Variants in ME2 observed in about 807,000 individuals in gnomAD.
ME2 encodes malic enzyme 2, also known as NAD-dependent malic enzyme, mitochondrial.
Under a neutral mutation model 73.7 loss-of-function variants are expected in ME2, and 60 were observed. That is an observed-to-expected ratio of 0.81 (90% CI 0.66 to 1.01). The LOEUF (loss-of-function observed/expected upper bound fraction) is 1.01, where lower values mean the gene tolerates loss of function less well. ME2 is among the 50% of genes least tolerant of loss of function. The pLI is 0.00. For missense variants in ME2, 594 were observed against 705.5 expected, an observed-to-expected ratio of 0.84 and a Z score of 1.79; for synonymous variants, 199 against 236.9, an observed-to-expected ratio of 0.84 and a Z score of 1.47.
Position 50,895,704 on chromosome 18 carries a change from T to G in ME2, c.-12-105T>G. 4.3e-6 allele frequency: 3 copies of G among 696,506 alleles called. No individual in the cohort carries two copies. The South Asian group carries it at 5.6e-5, about 13-fold the overall frequency. The allele number at this position is 696,506 out of a possible 1,614,324, so 43.1% of individuals were successfully genotyped here. A position where few individuals can be genotyped will look rare whatever the true frequency, so the allele number is the denominator to read the frequency against. Reference sequence around the variant, plus strand: ...CCTCTTGTTACCTTTTTAAAACTGTTGCAGCCTGTGGAAACATAAATGTGT... The same window carrying G: ...CCTCTTGTTACCTTTTTAAAACTGTGGCAGCCTGTGGAAACATAAATGTGT... On this transcript the variant is annotated intron_variant, in intron 1 of 15. Transcript: ENST00000321341.
intron 1 of ME2, among the ~76,000 whole-genome samples, chr18:50,894,876 CAA>C (rs201413611): frequency 1.0e-4 from 8 of 76,708 alleles, no homozygotes; most frequent in African/African-American, 9.7e-5. Context: ...GACTCCATCT[CAA>C]AAAAAAAAAA....
chr18:50,943,810 C>T (rs897920324), intron 15 of ME2, among the ~76,000 whole-genome samples: 1 of 152,134 alleles, frequency 6.6e-6, no homozygotes, highest in East Asian at 1.9e-4. Flanking sequence ...TTACCTTCTA[C>T]TGCAAAACAG....
rs1014685621 is a variant in ME2, at chr18:50,879,288, T to A, written c.-33T>A. 19 of 152,092 alleles carry A rather than the reference T, an allele frequency of 1.2e-4. No homozygotes were observed. Among genetic ancestry groups the A allele is most frequent in the African/African-American group, 3.4e-4 (14 of 41,528 alleles). 9.4% of individuals were successfully genotyped at this position (152,092 alleles called of 1,614,324 possible). ...CGGCCTCTCCGCCGGGTGTACCACC[T>A]GTCGCGGCGCGAGACCTCTGGTAAG... On this transcript the variant is annotated 5_prime_UTR_variant, in exon 1 of 16. Coordinates refer to ENST00000321341, the MANE Select transcript of ME2 (RefSeq NM_002396.5).
rs556289297 is a variant in ME2 at position 50,947,456 on chromosome 18, T to C, written c.*272T>C. On this transcript the variant is annotated 3_prime_UTR_variant, in exon 16 of 16. Transcript: ENST00000321341. ...CCAGGAGATGTAAAAAGTGTGTTTGTGAATGTCTTCACTTGTACTCTAATT... is the reference window on the plus strand; with the variant it reads ...CCAGGAGATGTAAAAAGTGTGTTTGCGAATGTCTTCACTTGTACTCTAATT... 3.6e-5 allele frequency: 13 copies of C among 360,654 alleles called. No individual in the cohort carries two copies. The South Asian group carries it at 5.3e-4, about 15-fold the overall frequency. The allele number at this position is 360,654 out of a possible 1,614,324, so 22.3% of individuals were successfully genotyped here.
intron 2 of ME2, among the ~76,000 whole-genome samples, chr18:50,902,396 A>G (rs1391865331): frequency 1.3e-5 from 2 of 152,196 alleles, no homozygotes; most frequent in Non-Finnish European, 2.9e-5. Context: ...CATTGCTATT[A>G]TTCTATCACC....
chr18:50,926,668 T>C (rs767970143), intron 12 of ME2, among the ~76,000 whole-genome samples: 1 of 152,236 alleles, frequency 6.6e-6, no homozygotes, highest in African/African-American at 2.4e-5. Context: ...ATTTATCTTT[T>C]ACACTGTTTT....
In ME2 at chr18:50,954,118, CA is replaced by C. The variant is rs1446706869; in HGVS notation, c.*6935del. On this transcript the variant is annotated 3_prime_UTR_variant, in exon 16 of 16. Coordinates refer to ENST00000321341, the MANE Select transcript of ME2 (RefSeq NM_002396.5). ...ATGCCTTGTATAGAACATATTATACCAGATTGACTTGTTAAAAATGGTTCCA... is the reference window on the plus strand; with the variant it reads ...ATGCCTTGTATAGAACATATTATACCGATTGACTTGTTAAAAATGGTTCCA... 1 of 152,144 alleles carries C rather than the reference CA, an allele frequency of 6.6e-6. No individual in the cohort carries two copies. Among genetic ancestry groups the C allele is most frequent in the African/African-American group, 2.4e-5 (1 of 41,432 alleles). The allele number at this position is 152,144 out of a possible 1,614,324, so 9.4% of individuals were successfully genotyped here.
intron 3 of ME2, among the ~76,000 whole-genome samples, chr18:50,908,743 C>T (rs995836940): frequency 6.6e-6 from 1 of 151,982 alleles, no homozygotes; most frequent in African/African-American, 2.4e-5. Context: ...CAAGTTCAAG[C>T]AGTTCTCCTG....
rs749460938 is a variant in ME2, at chr18:50,912,926, A to G, written c.368A>G (p.Tyr123Cys). The change falls in exon 4 of 16, where the codon TAT (tyrosine) becomes TGT (cysteine). Residue 123 changes from tyrosine (Y) to cysteine (C), a missense_variant. Transcript: ENST00000321341. ...ACGGTTGGTCTTGCCTGCTCCCAGT[A>G]TGGACACATCTTTAGAAGACCTAAG... ...TPTVGLACSQYGHIFRRPKGL... is the reference protein window; with the variant it reads ...TPTVGLACSQCGHIFRRPKGL... 1.2e-6 allele frequency: 2 copies of G among 1,607,202 alleles called. No homozygotes were observed. The highest frequency in any genetic ancestry group is 3.3e-4 in the Middle Eastern group (2 of 6,044).
intron 15 of ME2, among the ~76,000 whole-genome samples, chr18:50,940,623 T>G (rs1350262229): frequency 6.6e-6 from 1 of 152,156 alleles, no homozygotes; most frequent in Non-Finnish European, 1.5e-5. Flanking sequence ...ACTTGTGCCT[T>G]TTTGAAAAAT....
At chr18:50,888,144 C>A (rs1916520200) in intron 1 of ME2, among the ~76,000 whole-genome samples, 1 of 151,996 alleles carries the variant, frequency 6.6e-6, no homozygotes, top group Admixed American at 6.6e-5. Context: ...AAGTTGGAGA[C>A]CACCCTGTGC....
chr18:50,917,103 C>G (rs981012120), intron 5 of ME2: 7 of 344,518 alleles, frequency 2.0e-5, no homozygotes, highest in African/African-American at 1.0e-4. Flanking sequence ...GTCCTCTAGT[C>G]AGAAGAATTC....
intron 12 of ME2, among the ~76,000 whole-genome samples, chr18:50,930,896 A>G (rs1007926950): frequency 1.3e-5 from 2 of 152,266 alleles, no homozygotes; most frequent in African/African-American, 4.8e-5. Flanking sequence ...TAGAATAGGT[A>G]GAAAATGATA....
At chr18:50,900,139 G>C (rs1041506091) in intron 2 of ME2, among the ~76,000 whole-genome samples, 1 of 149,906 alleles carries the variant, frequency 6.7e-6, no homozygotes, top group Non-Finnish European at 1.5e-5. Flanking sequence ...AGCTTCATCT[G>C]TATTTACAGC....
chr18:50,906,905 A>C (rs1211849892), intron 2 of ME2, among the ~76,000 whole-genome samples: 1 of 152,174 alleles, frequency 6.6e-6, no homozygotes, highest in Non-Finnish European at 1.5e-5. Flanking sequence ...TCCACAGCTC[A>C]TGTATGTGAC....
At chr18:50,900,476 A>G (rs1047402757) in intron 2 of ME2, among the ~76,000 whole-genome samples, 2 of 151,422 alleles carry the variant, frequency 1.3e-5, no homozygotes, top group African/African-American at 4.9e-5. Context: ...TTGTATTTTT[A>G]GTAGAGATGG....
At position 50,909,925 on chromosome 18, in the gene ME2, C is replaced by T. The variant is rs527702430; in HGVS notation, c.242+1729C>T. Among the ~76,000 whole-genome samples, 110 of 152,258 alleles carry T rather than the reference C, an allele frequency of 7.2e-4. 1 individual carries two copies. Among genetic ancestry groups the T allele is most frequent in the African/African-American group, 2.5e-3 (105 of 41,552 alleles). ...GAGCAAGAACAAAGAACAGCTCATT[C>T]TCCGAAGCTGGAATAAACATAAATA... On this transcript the variant is annotated intron_variant, in intron 3 of 15. Coordinates refer to ENST00000321341, the MANE Select transcript of ME2 (RefSeq NM_002396.5).
rs1482353087 is a variant in ME2 at position 50,902,732 on chromosome 18, A to G, written c.109-5331A>G. On this transcript the variant is annotated intron_variant, in intron 2 of 15. Coordinates refer to ENST00000321341, the MANE Select transcript of ME2 (RefSeq NM_002396.5). ...ATTTTTATTTGGCCATGATTCTCTT[A>G]AAAGTATACTTACTTTTAAGATTAT... Among the ~76,000 whole-genome samples the G allele has an allele frequency of 2.6e-5, 4 of 152,322 alleles. No individual in the cohort carries two copies. The East Asian group carries it at 7.7e-4, about 29-fold the overall frequency.
chr18:50,883,472 C>T (rs1428286654), intron 1 of ME2, among the ~76,000 whole-genome samples: 1 of 152,210 alleles, frequency 6.6e-6, no homozygotes, highest in Non-Finnish European at 1.5e-5. Context: ...TCCACTGCTT[C>T]CCTGTTTGAG....
Sources: gnomAD v4.1 joint callset for allele counts (sites outside exome capture counted in the v4.1 genomes callset) on GRCh38, gnomAD v4.1.1 for gene constraint, MANE v1.5 for transcripts, NCBI Gene and HGNC (gene_info 2026-07-23, HGNC 2026-07-21) for gene names.